The following RASGRF1 variants were observed in gnomAD, a reference collection of about 807,000 sequenced individuals.
RASGRF1 encodes ras-specific guanine nucleotide-releasing factor 1.
Under a neutral mutation model 138.7 loss-of-function variants are expected in RASGRF1, and 40 were observed. That is an observed-to-expected ratio of 0.29 (90% CI 0.22 to 0.38). The LOEUF is 0.38. Ranked by LOEUF, RASGRF1 falls within the 10% of genes least tolerant of loss-of-function variation. The pLI is 1.00. For synonymous variants in RASGRF1, 614 were observed against 663.2 expected, an observed-to-expected ratio of 0.93 and a Z score of 1.14; for missense variants, 1,108 against 1,650.4, an observed-to-expected ratio of 0.67 and a Z score of 5.69.
intron 1 of RASGRF1, among the ~76,000 whole-genome samples, chr15:79,067,128 T>C (rs2057690884): frequency 6.6e-6 from 1 of 152,102 alleles, no homozygotes; most frequent in Non-Finnish European, 1.5e-5. Flanking sequence ...TCAAGTGAAG[T>C]GGCCAGTTTA....
At chr15:79,085,115 A>G (rs1336828849) in intron 1 of RASGRF1, among the ~76,000 whole-genome samples, 1 of 152,198 alleles carries the variant, frequency 6.6e-6, no homozygotes, top group East Asian at 1.9e-4. Context: ...TACATGAGGT[A>G]ATCACAGACT....
intron 13 of RASGRF1, among the ~76,000 whole-genome samples, chr15:79,008,043 A>G (rs1027367877): frequency 6.6e-6 from 1 of 151,594 alleles, no homozygotes; most frequent in Admixed American, 6.6e-5. Flanking sequence ...GGGTTTCACC[A>G]TGTTGGCCAG....
At chr15:79,036,384 T>G (rs1387091136) in intron 5 of RASGRF1, among the ~76,000 whole-genome samples, 1 of 152,194 alleles carries the variant, frequency 6.6e-6, no homozygotes. Flanking sequence ...TCTCCTGTCT[T>G]TCTTTGGCGG....
At chr15:79,009,236 A>G (rs1234429046) in intron 13 of RASGRF1, among the ~76,000 whole-genome samples, 2 of 152,214 alleles carry the variant, frequency 1.3e-5, no homozygotes, top group East Asian at 3.9e-4. Flanking sequence ...TTCTGAAGAA[A>G]ACAAACCTGA....
intron 5 of RASGRF1, among the ~76,000 whole-genome samples, chr15:79,039,296 CAAAAAAAAA>C (rs71148587): frequency 3.2e-4 from 16 of 50,376 alleles, no homozygotes; most frequent in Non-Finnish European, 5.8e-4. Flanking sequence ...GACCCTGTCT[CAAAAAAAAA>C]AAAAAAAAAA....
intron 8 of RASGRF1, among the ~76,000 whole-genome samples, chr15:79,031,059 T>C (rs1279624317): frequency 2.0e-5 from 3 of 152,238 alleles, no homozygotes; most frequent in African/African-American, 2.4e-5. Flanking sequence ...GGGCCTCCTA[T>C]GGCCACAGGT....
At chr15:79,069,401 C>T (rs2057724781) in intron 1 of RASGRF1, among the ~76,000 whole-genome samples, 1 of 152,208 alleles carries the variant, frequency 6.6e-6, no homozygotes. Context: ...GTGGGGATGG[C>T]AAGACCCCGT....
In RASGRF1 at chr15:79,057,064, A is replaced by G. The variant is rs150316781; in HGVS notation, c.531+1270T>C. Among the ~76,000 whole-genome samples, 1,376 of 152,216 alleles carry G rather than the reference A, an allele frequency of 9.0e-3. 31 individuals carry two copies. Among genetic ancestry groups the G allele is most frequent in the African/African-American group, 0.032 (1,329 of 41,522 alleles). Reference sequence around the variant, plus strand: ...ACACTCTGGCATCCCAGACCCCAAGACCTCTGCTACCATCTGCTCAGGGAG... The same window carrying G: ...ACACTCTGGCATCCCAGACCCCAAGGCCTCTGCTACCATCTGCTCAGGGAG... On this transcript the variant is annotated intron_variant, in intron 3 of 26. Coordinates refer to ENST00000558480, the MANE Select transcript of RASGRF1 (RefSeq NM_001145648.3).
In RASGRF1 at chr15:79,025,477, G is replaced by A. The variant is rs1387104272; in HGVS notation, c.1382-3C>T. On this transcript the variant is annotated splice_polypyrimidine_tract_variant and splice_region_variant and intron_variant, in intron 9 of 26. Transcript: ENST00000558480. The stretch of plus-strand genomic sequence containing the variant: ...CATGGGCACCTGAATGAGGGAACCT[G>A]TGGGTGGAGGAGAGAGACCCTGAGC... 3 of 1,611,314 alleles carry A rather than the reference G, an allele frequency of 1.9e-6. No individual in the cohort carries two copies.
Position 79,090,223 on chromosome 15 carries a change from C to T in RASGRF1, c.276G>A (p.Gln92=), listed in dbSNP as rs1226782830. The part of the protein sequence containing the change: ...ALSAKEPLEK[Q]HYFTVNFSHE... The stretch of plus-strand genomic sequence containing the variant: ...GGTCAGGACGCGACGCTCGCCTCAC[C>T]TGTTTCTCCAGCGGCTCCTTGGCCG... Residue 92 remains glutamine (Q), a splice_region_variant and synonymous_variant, in exon 1 of 27, where the codon CAG becomes CAA. Coordinates refer to ENST00000558480, the MANE Select transcript of RASGRF1 (RefSeq NM_001145648.3). The T allele has an allele frequency of 6.2e-7, 1 of 1,601,918 alleles. No individual in the cohort carries two copies. Among genetic ancestry groups the T allele is most frequent in the Non-Finnish European group, 8.5e-7 (1 of 1,176,714 alleles).
At chr15:79,076,363 C>T (rs150717223) in intron 1 of RASGRF1, among the ~76,000 whole-genome samples, 1 of 152,246 alleles carries the variant, frequency 6.6e-6, no homozygotes, top group Non-Finnish European at 1.5e-5. Context: ...TATAATCACC[C>T]AGAGTTTGGA....
At position 79,011,564 on chromosome 15, in the gene RASGRF1, A is replaced by C. The variant is rs935371035; in HGVS notation, c.1826+3763T>G. Among the ~76,000 whole-genome samples, 4 of 152,180 alleles carry C rather than the reference A, an allele frequency of 2.6e-5. No individual in the cohort carries two copies. In the South Asian group the frequency reaches 8.3e-4, roughly 32 times the overall value. ...TCCCCTGCCCAAGAAATGCAGAGAAAGGTGTAGCTGTTCTCCAGGTGAACT... is the reference window on the plus strand; with the variant it reads ...TCCCCTGCCCAAGAAATGCAGAGAACGGTGTAGCTGTTCTCCAGGTGAACT... On this transcript the variant is annotated intron_variant, in intron 13 of 26. Coordinates refer to ENST00000558480, the MANE Select transcript of RASGRF1 (RefSeq NM_001145648.3).
At chr15:78,983,437 G>A (rs1032924434) in intron 23 of RASGRF1, among the ~76,000 whole-genome samples, 1 of 152,200 alleles carries the variant, frequency 6.6e-6, no homozygotes, top group South Asian at 2.1e-4. Context: ...ATTTCAGGAT[G>A]GCCAAACTCA....
chr15:79,078,934 CT>C (rs1368280522), intron 1 of RASGRF1, among the ~76,000 whole-genome samples: 7 of 152,262 alleles, frequency 4.6e-5, no homozygotes, highest in Non-Finnish European at 8.8e-5. Context: ...CTCATCCTCC[CT>C]GCCTGGCCTC....
chr15:78,980,776 C>T, intron 23 of RASGRF1, 77 bp from the exon 24 acceptor site: 2 of 1,116,498 alleles, frequency 1.8e-6, no homozygotes, highest in Non-Finnish European at 2.6e-6. Context: ...GGCCCACACT[C>T]CAACATGCTG....
Position 79,046,999 on chromosome 15 carries a change from C to T in RASGRF1, c.625G>A (p.Val209Met), listed in dbSNP as rs1184989324. 1 of 1,609,274 alleles carries T rather than the reference C, an allele frequency of 6.2e-7. No individual in the cohort carries two copies. The highest frequency in any genetic ancestry group is 1.3e-5 in the African/African-American group (1 of 74,886). ...AGCCAGCCCCGCAGGAAGCTCTGCA[C>T]CTGAGCAGCAAGACCGGTGGGGAGA... is the stretch of plus-strand genomic sequence containing the variant. Reference protein sequence around the residue: ...EDSDIKKIKKVQSFLRGWLCR... With the variant: ...EDSDIKKIKKMQSFLRGWLCR... The change falls in exon 5 of 27, where the codon GTG becomes ATG. Residue 209 changes from valine (V) to methionine (M), a missense_variant and splice_region_variant. By Grantham distance (21) the Val-to-Met change is conservative (BLOSUM62 1). Around this residue, in one of 3 missense-constraint regions of RASGRF1, gnomAD observed 253 missense variants for 329.5 expected, o/e 0.77. Transcript: ENST00000558480. This position sits in a 1 kb window ranked among gnomAD's most constrained non-coding sequence, Gnocchi z 5.3.
chr15:78,963,505 T>C (rs2055586976), intron 26 of RASGRF1, among the ~76,000 whole-genome samples: 1 of 152,206 alleles, frequency 6.6e-6, no homozygotes, highest in African/African-American at 2.4e-5. Context: ...TTTTGCCATG[T>C]TGGCCAGGCT....
chr15:79,080,077 A>T (rs1452367830), intron 1 of RASGRF1, among the ~76,000 whole-genome samples: 1 of 152,242 alleles, frequency 6.6e-6, no homozygotes, highest in East Asian at 1.9e-4. Flanking sequence ...AGCTTCTGGG[A>T]CACAGGTACT....
intron 23 of RASGRF1, 91 bp downstream of exon 23, chr15:78,984,916 T>C (rs748806473): frequency 1.4e-6 from 2 of 1,407,132 alleles, no homozygotes; most frequent in Admixed American, 3.7e-5. Context: ...CTTTGCCCAC[T>C]TGTGGATGCC....
Sources: allele counts gnomAD v4.1 joint callset (sites outside exome capture counted in the v4.1 genomes callset), GRCh38; gene constraint gnomAD v4.1.1; regional missense constraint gnomAD v4.1.1; non-coding constraint Gnocchi (gnomAD v3.1); transcripts MANE v1.5; gene names NCBI Gene and HGNC (gene_info 2026-07-23, HGNC 2026-07-21).